The following TCF20 variants were observed in gnomAD, a reference collection of about 807,000 sequenced individuals.
TCF20 encodes SPRE-binding protein.
In TCF20, 3 loss-of-function variants were observed where a neutral mutation model predicts 148.6. That is an observed-to-expected ratio of 0.02 (90% confidence interval 0.01 to 0.05). The LOEUF (loss-of-function observed/expected upper bound fraction) is 0.05, where lower values mean the gene tolerates loss of function less well. Among genes scored for constraint, TCF20 ranks in the 10% least tolerant of loss-of-function variants. The probability of loss-of-function intolerance (pLI) is 1.00; values close to 1 mark genes in which losing one functional copy is unlikely to be tolerated. For synonymous variants in TCF20, 1,049 were observed against 909.5 expected (o/e 1.15, Z -2.76); for missense variants, 2,350 against 2,429.3 (o/e 0.97, Z 0.69).
In TCF20 at chr22:42,215,308, T is replaced by C. The variant is rs1465739003; in HGVS notation, c.-3A>G. 2 of 1,606,294 alleles carry C rather than the reference T, an allele frequency of 1.2e-6. No homozygotes were observed. The highest frequency in any genetic ancestry group is 1.7e-6 in the Non-Finnish European group (2 of 1,174,374). On this transcript the variant is annotated 5_prime_UTR_variant, in exon 2 of 6. Transcript: ENST00000677622. ...CTTTGCTCCCGAAAGGACTGCATACTGTTCAGCAGCACAGCAGCAGGCCAA... is the reference window on the plus strand; with the variant it reads ...CTTTGCTCCCGAAAGGACTGCATACCGTTCAGCAGCACAGCAGCAGGCCAA...
intron 1 of TCF20, among the ~76,000 whole-genome samples, chr22:42,293,766 C>T (rs1472957982): frequency 1.3e-5 from 2 of 152,250 alleles, no homozygotes; most frequent in African/African-American, 4.8e-5. Context: ...CTTTGGGAGG[C>T]CAAGGCGGGC....
intron 1 of TCF20, among the ~76,000 whole-genome samples, chr22:42,320,259 C>T (rs530371091): frequency 6.6e-6 from 1 of 152,278 alleles, no homozygotes; most frequent in African/African-American, 2.4e-5. Flanking sequence ...ATGCCCTTCC[C>T]AGAGAGCCAT....
At chr22:42,165,259 G>A (rs1194872223) in intron 5 of TCF20, among the ~76,000 whole-genome samples, 2 of 152,220 alleles carry the variant, frequency 1.3e-5, no homozygotes, top group East Asian at 3.9e-4. Context: ...AGCTCCAGGG[G>A]CAGGGGGGCC....
rs1601602348 is a variant in TCF20 at position 42,214,008 on chromosome 22, G to A, written c.1298C>T (p.Ala433Val). The A allele has an allele frequency of 3.1e-6, 5 of 1,614,172 alleles. No individual in the cohort carries two copies. The highest frequency in any genetic ancestry group is 4.2e-6 in the Non-Finnish European group (5 of 1,180,034). ...SMMPSPNSHAAGFKGFGLEGV... is the reference protein window; with the variant it reads ...SMMPSPNSHAVGFKGFGLEGV... ...TTCTAGTCCAAACCCTTTGAAGCCT[G>A]CAGCATGAGAATTAGGACTGGGCAT... The change falls in exon 2 of 6, where the codon GCA becomes GTA. Residue 433 changes from alanine to valine, a missense_variant. Transcript: ENST00000677622.
intron 2 of TCF20, among the ~76,000 whole-genome samples, chr22:42,193,421 T>C (rs1022383439): frequency 1.3e-5 from 2 of 151,662 alleles, no homozygotes; most frequent in Non-Finnish European, 2.9e-5. Context: ...AACCTCAAAT[T>C]CCTGGGCTAG....
chr22:42,324,479 T>G (rs1927833785), intron 1 of TCF20, among the ~76,000 whole-genome samples: 1 of 151,142 alleles, frequency 6.6e-6, no homozygotes, highest in Non-Finnish European at 1.5e-5. Flanking sequence ...CAGAAAATAA[T>G]CTCCACCATC....
chr22:42,222,562 G>A (rs1382316098), intron 1 of TCF20, among the ~76,000 whole-genome samples: 1 of 151,890 alleles, frequency 6.6e-6, no homozygotes, highest in Non-Finnish European at 1.5e-5. Context: ...TCTCAAACAA[G>A]CCTGCTCAGC....
rs998909990 is a variant in TCF20 at position 42,290,019 on chromosome 22, G to A, written c.-37+53460C>T. Among the ~76,000 whole-genome samples, 1 of 152,238 alleles carries A rather than the reference G, an allele frequency of 6.6e-6. No homozygotes were observed. Among genetic ancestry groups the A allele is most frequent in the Non-Finnish European group, 1.5e-5 (1 of 68,048 alleles). On this transcript the variant is annotated intron_variant, in intron 1 of 1. Coordinates refer to the TCF20 transcript ENST00000515426. This position sits in a 1 kb window ranked among gnomAD's most constrained non-coding sequence, Gnocchi z 4.2. ...CTCGGCGTGTGCAGGCGGCCGGGGCGATGTTCCAGGAATATTAATTCTCCA... is the reference window on the plus strand; with the variant it reads ...CTCGGCGTGTGCAGGCGGCCGGGGCAATGTTCCAGGAATATTAATTCTCCA...
At chr22:42,237,342 G>C (rs1923978628) in intron 1 of TCF20, among the ~76,000 whole-genome samples, 1 of 152,178 alleles carries the variant, frequency 6.6e-6, no homozygotes, top group South Asian at 2.1e-4. Context: ...ATCTGTTCAA[G>C]TTTTATCATG....
chr22:42,255,133 C>G (rs1925658681), intron 1 of TCF20, among the ~76,000 whole-genome samples: 1 of 152,038 alleles, frequency 6.6e-6, no homozygotes, highest in African/African-American at 2.4e-5. Context: ...TATCTCCTAA[C>G]TTTTTTGTCA....
intron 1 of TCF20, among the ~76,000 whole-genome samples, chr22:42,264,640 G>A (rs1926190897): frequency 6.6e-6 from 1 of 152,228 alleles, no homozygotes; most frequent in Non-Finnish European, 1.5e-5. Context: ...CCTACTGGCA[G>A]AAAAGGCTTC....
intron 2 of TCF20, among the ~76,000 whole-genome samples, chr22:42,203,440 T>C (rs2223273): frequency 0.054 from 8,278 of 152,256 alleles, 493 homozygotes; most frequent in East Asian, 0.33. Flanking sequence ...TTTGAGTCCT[T>C]CAATTTGTCA....
chr22:42,212,804 G>A lies in TCF20; in HGVS notation c.2502C>T (p.Ile834=). Residue 834 remains isoleucine, a synonymous_variant, in exon 2 of 6, where the codon ATC becomes ATT. Coordinates refer to ENST00000677622, the MANE Select transcript of TCF20 (RefSeq NM_001378418.1). ...TGGGAATTGGATAGTCAGTCAAATTGATCTGTTTCATTTCAGGAGCTGTGC... is the reference window on the plus strand; with the variant it reads ...TGGGAATTGGATAGTCAGTCAAATTAATCTGTTTCATTTCAGGAGCTGTGC... ...SSSTAPEMKQ[I]NLTDYPIPRK... is the part of the protein sequence containing the mutation. The A allele has an allele frequency of 6.2e-7, 1 of 1,614,190 alleles. No homozygotes were observed. Among genetic ancestry groups the A allele is most frequent in the Non-Finnish European group, 8.5e-7 (1 of 1,180,012 alleles).
At position 42,213,463 on chromosome 22, in the gene TCF20, C is replaced by T. The variant is rs1921264004; in HGVS notation, c.1843G>A (p.Gly615Ser). ...GVIVSREAMT[G>S]RVEKPGGQDK... Reference sequence around the variant, plus strand: ...TGTCCACCAGGCTTTTCTACCCGACCTGTCATGGCTTCCCGGGAGACAATC... The same window carrying T: ...TGTCCACCAGGCTTTTCTACCCGACTTGTCATGGCTTCCCGGGAGACAATC... Residue 615 changes from glycine to serine, a missense_variant, in exon 2 of 6, where the codon GGT becomes AGT. By Grantham distance (56) the Gly-to-Ser change is moderately conservative. Around this residue, in one of 7 missense-constraint regions of TCF20, gnomAD observed 1,641 missense variants for 1,662.6 expected, o/e 0.99. Coordinates refer to ENST00000677622, the MANE Select transcript of TCF20 (RefSeq NM_001378418.1). 6.2e-7 allele frequency: 1 copy of T among 1,614,206 alleles called. No individual in the cohort carries two copies. Among genetic ancestry groups the T allele is most frequent in the Non-Finnish European group, 8.5e-7 (1 of 1,180,034 alleles).
intron 1 of TCF20, among the ~76,000 whole-genome samples, chr22:42,323,636 G>A (rs1188952436): frequency 2.6e-5 from 4 of 151,824 alleles, no homozygotes; most frequent in Non-Finnish European, 4.4e-5. Flanking sequence ...GGGAGGAGAA[G>A]CGGGAAGCAG....
chr22:42,252,703 C>T (rs1258668899), intron 1 of TCF20, among the ~76,000 whole-genome samples: 2 of 152,190 alleles, frequency 1.3e-5, no homozygotes, highest in Non-Finnish European at 1.5e-5. Context: ...CTGCTCACCT[C>T]GGCCTCCCAA....
intron 5 of TCF20, among the ~76,000 whole-genome samples, chr22:42,165,896 T>C (rs1305600729): frequency 6.6e-6 from 1 of 152,228 alleles, no homozygotes; most frequent in Non-Finnish European, 1.5e-5. Context: ...CATATCACTC[T>C]GTCAGAACAT....
At chr22:42,196,051 G>T (rs761680569) in intron 2 of TCF20, among the ~76,000 whole-genome samples, 1 of 152,204 alleles carries the variant, frequency 6.6e-6, no homozygotes, top group Non-Finnish European at 1.5e-5. Flanking sequence ...AGCTTAGCTG[G>T]GCATTTGCAT....
intron 1 of TCF20, chr22:42,276,836 CA>C (rs1338129848): frequency 6.6e-6 from 1 of 152,166 alleles, no homozygotes; most frequent in African/African-American, 2.4e-5. Flanking sequence ...TCCAGGGGAG[CA>C]GAAAGCAGCA....
Sources: allele counts gnomAD v4.1 joint callset (sites outside exome capture counted in the v4.1 genomes callset), GRCh38; gene constraint gnomAD v4.1.1; regional missense constraint gnomAD v4.1.1; non-coding constraint Gnocchi (gnomAD v3.1); transcripts MANE v1.5; gene names NCBI Gene and HGNC (gene_info 2026-07-23, HGNC 2026-07-21).